The following CCSER1 variants were observed in gnomAD, a reference collection of about 807,000 sequenced individuals.
CCSER1 encodes serine-rich coiled-coil domain-containing protein 1.
A neutral mutation model predicts 82.0 loss-of-function variants in CCSER1; 41 were observed. That is an observed-to-expected ratio of 0.50 (90% CI 0.39 to 0.65). The LOEUF is 0.65. CCSER1 is among the 30% of genes least tolerant of loss of function. CCSER1 has a pLI of 0.00. For synonymous variants in CCSER1, 414 were observed against 383.9 expected, an observed-to-expected ratio of 1.08 and a Z score of -0.92; for missense variants, 1,119 against 1,064.2, an observed-to-expected ratio of 1.05 and a Z score of -0.72.
At chr4:90,151,518 A>C (rs1356455323) in intron 1 of CCSER1, among the ~76,000 whole-genome samples, 1 of 152,074 alleles carries the variant, frequency 6.6e-6, no homozygotes, top group East Asian at 1.9e-4. Flanking sequence ...AAAAGAGATT[A>C]ACAGGCATTT....
intron 10 of CCSER1, among the ~76,000 whole-genome samples, chr4:91,295,094 G>A (rs1265545105): frequency 6.6e-6 from 1 of 151,892 alleles, no homozygotes; most frequent in East Asian, 1.9e-4. Flanking sequence ...AGTGGAATAT[G>A]GCAAACCCTT....
chr4:90,271,858 A>ATG lies in CCSER1; in HGVS notation c.-41-36385_-41-36384insGT, dbSNP rs1560919802. ...TATATATATATATATATATATATAT[A>ATG]TATATTTTTTTTTTTTTTTTTTTTT... On this transcript the variant is annotated intron_variant, in intron 1 of 10. Coordinates refer to ENST00000509176, the MANE Select transcript of CCSER1 (RefSeq NM_001145065.2). 4.1e-3 allele frequency among the ~76,000 whole-genome samples: 99 copies of ATG among 24,388 alleles called. 3 individuals carry two copies. Among genetic ancestry groups the ATG allele is most frequent in the African/African-American group, 0.032 (80 of 2,486 alleles). The allele number at this position is 24,388 out of a possible 152,430, so 16.0% of individuals were successfully genotyped here. A position where few individuals can be genotyped will look rare whatever the true frequency, so the allele number is the denominator to read the frequency against.
chr4:90,718,492 A>G (rs1315060967), intron 6 of CCSER1, among the ~76,000 whole-genome samples: 1 of 152,174 alleles, frequency 6.6e-6, no homozygotes, highest in East Asian at 1.9e-4. Flanking sequence ...GCACCTTAAT[A>G]GTACCCAAAC....
chr4:91,262,061 T>G (rs1442313759), intron 10 of CCSER1, among the ~76,000 whole-genome samples: 1 of 152,092 alleles, frequency 6.6e-6, no homozygotes, highest in Non-Finnish European at 1.5e-5. Context: ...CCCGGATGAT[T>G]AAAGTAAAAA....
At chr4:90,247,442 CTT>C (rs569012874) in intron 1 of CCSER1, among the ~76,000 whole-genome samples, 254 of 152,184 alleles carry the variant, frequency 1.7e-3, no homozygotes, top group African/African-American at 5.8e-3. Flanking sequence ...TTGAAGAAAA[CTT>C]GTTGTGAGAA....
At chr4:91,297,772 T>C (rs1048566417) in intron 10 of CCSER1, among the ~76,000 whole-genome samples, 5 of 151,290 alleles carry the variant, frequency 3.3e-5, no homozygotes, top group Non-Finnish European at 3.0e-5. Flanking sequence ...AACCAACAAA[T>C]GAAAAAAGGA....
chr4:91,302,400 CT>C (rs1363516828), intron 10 of CCSER1, among the ~76,000 whole-genome samples: 3 of 151,976 alleles, frequency 2.0e-5, no homozygotes, highest in African/African-American at 7.2e-5. Context: ...CCTTCCACTT[CT>C]GTTTATTTCT....
At chr4:90,169,483 A>C (rs896187728) in intron 1 of CCSER1, among the ~76,000 whole-genome samples, 2 of 151,392 alleles carry the variant, frequency 1.3e-5, no homozygotes, top group Non-Finnish European at 3.0e-5. Context: ...TCTCCTGCCT[A>C]ATTGCCCTGG....
intron 7 of CCSER1, chr4:90,727,226 G>A (rs760967913): frequency 4.4e-6 from 2 of 455,984 alleles, no homozygotes; most frequent in South Asian, 1.5e-5. Context: ...TATATCAACT[G>A]TACACACATA....
At chr4:91,380,539 A>T (rs1008290503) in intron 10 of CCSER1, among the ~76,000 whole-genome samples, 5 of 151,306 alleles carry the variant, frequency 3.3e-5, no homozygotes, top group South Asian at 2.1e-4. Context: ...GATGGTTTAA[A>T]GTCTGTTTTA....
chr4:90,178,087 A>G (rs1733038704), intron 1 of CCSER1, among the ~76,000 whole-genome samples: 1 of 152,148 alleles, frequency 6.6e-6, no homozygotes, highest in Non-Finnish European at 1.5e-5. Flanking sequence ...TAGGCATTGC[A>G]TTGATTGCCT....
At chr4:90,694,977 C>T (rs1333140512) in intron 6 of CCSER1, among the ~76,000 whole-genome samples, 1 of 151,152 alleles carries the variant, frequency 6.6e-6, no homozygotes, top group Admixed American at 6.6e-5. Context: ...AACATACATT[C>T]TTTATTAATA....
At chr4:91,284,927 C>G (rs149865285) in intron 10 of CCSER1, among the ~76,000 whole-genome samples, 256 of 151,950 alleles carry the variant, frequency 1.7e-3, no homozygotes, top group Middle Eastern at 6.8e-3. Flanking sequence ...ATAAAGCTGC[C>G]CCAACAATGA....
chr4:91,554,545 TAAG>T (rs1328434441), intron 10 of CCSER1, among the ~76,000 whole-genome samples: 4 of 151,068 alleles, frequency 2.6e-5, no homozygotes, highest in East Asian at 3.9e-4. Flanking sequence ...AAACAAAATT[TAAG>T]AAGATGTAAA....
intron 5 of CCSER1, among the ~76,000 whole-genome samples, chr4:90,568,416 G>A (rs1255568369): frequency 6.6e-6 from 1 of 151,896 alleles, no homozygotes; most frequent in Non-Finnish European, 1.5e-5. Context: ...ATATAATGAT[G>A]TTCTTGTCTC....
chr4:90,664,564 T>C (rs556042732), intron 6 of CCSER1, among the ~76,000 whole-genome samples: 1 of 152,302 alleles, frequency 6.6e-6, no homozygotes, highest in South Asian at 2.1e-4. Context: ...ATTTAGATAC[T>C]TGGGTAATTG....
chr4:91,423,252 C>T (rs1753781209), intron 10 of CCSER1, among the ~76,000 whole-genome samples: 2 of 150,656 alleles, frequency 1.3e-5, no homozygotes, highest in South Asian at 2.1e-4. Flanking sequence ...ATGGTGAAAA[C>T]CCGTCTCTAC....
chr4:90,823,521 G>A (rs1379870745), intron 8 of CCSER1, among the ~76,000 whole-genome samples: 1 of 152,008 alleles, frequency 6.6e-6, no homozygotes, highest in Non-Finnish European at 1.5e-5. Context: ...TAAGCAATGA[G>A]AGCATAGTTA....
At chr4:90,985,653 A>C (rs1043403218) in intron 9 of CCSER1, among the ~76,000 whole-genome samples, 1 of 151,686 alleles carries the variant, frequency 6.6e-6, no homozygotes, top group Non-Finnish European at 1.5e-5. Context: ...AGTAATACAT[A>C]CATTTTCTTT....
Sources: allele counts gnomAD v4.1 joint callset (sites outside exome capture counted in the v4.1 genomes callset), GRCh38; gene constraint gnomAD v4.1.1; transcripts MANE v1.5; gene names NCBI Gene and HGNC (gene_info 2026-07-23, HGNC 2026-07-21).